The following PHF2 variants were observed in gnomAD, a reference collection of about 807,000 sequenced individuals.
The protein encoded by PHF2 is PHD finger protein 2, also known as lysine-specific demethylase PHF2.
PHF2 carries 27 observed loss-of-function variants against 120.5 expected under a neutral mutation model. That is an observed-to-expected ratio of 0.22 (90% confidence interval 0.17 to 0.31). The LOEUF (loss-of-function observed/expected upper bound fraction) is 0.31, where lower values mean the gene tolerates loss of function less well. Ranked by LOEUF, PHF2 falls within the 10% of genes least tolerant of loss-of-function variation. The pLI, the probability that PHF2 is intolerant of heterozygous loss-of-function variation, is 1.00. For missense variants in PHF2, 1,024 were observed against 1,434.8 expected (o/e 0.71, Z 4.63); for synonymous variants, 568 against 592.5 (o/e 0.96, Z 0.60).
At chr9:93,673,907 G>A (rs752140557) in intron 18 of PHF2, 45 bp downstream of exon 18, 3 of 1,514,822 alleles carry the variant, frequency 2.0e-6, no homozygotes, top group Admixed American at 2.0e-5. Context: ...CTCAGCCCTA[G>A]AAGGCCTGGC....
chr9:93,670,759 A>G (rs888626334), intron 17 of PHF2, among the ~76,000 whole-genome samples: 1 of 152,194 alleles, frequency 6.6e-6, no homozygotes, highest in African/African-American at 2.4e-5. Context: ...TGGGTGTCTC[A>G]GAAGATTCTT....
intron 10 of PHF2, 27 bp from the exon 11 acceptor site, chr9:93,659,484 C>G: frequency 6.2e-7 from 1 of 1,602,314 alleles, no homozygotes; most frequent in Non-Finnish European, 8.6e-7. Context: ...GTGTCTGGTG[C>G]TGACCCTGGG....
chr9:93,631,225 C>A (rs1406980900), intron 2 of PHF2, among the ~76,000 whole-genome samples: 1 of 152,180 alleles, frequency 6.6e-6, no homozygotes, highest in Non-Finnish European at 1.5e-5. Context: ...ACTCTGAGGA[C>A]CTGGCTGCTC....
rs1587720892 is a variant in PHF2 at position 93,671,124 on chromosome 9, G to A, written c.2349-2461G>A. The A allele has an allele frequency of 8.2e-6, 8 of 978,720 alleles. No homozygotes were observed. In the South Asian group the frequency reaches 2.4e-4, roughly 29 times the overall value. 60.6% of individuals were successfully genotyped at this position (978,720 alleles called of 1,614,324 possible). ...GACGCAGGTGGGGGTGCATGTGTGGGGGTAGGTGTAGGTGCAGATGCAGGT... is the reference window on the plus strand; with the variant it reads ...GACGCAGGTGGGGGTGCATGTGTGGAGGTAGGTGTAGGTGCAGATGCAGGT... On this transcript the variant is annotated intron_variant, in intron 17 of 21. Transcript: ENST00000359246.
In PHF2 at chr9:93,590,503, A is replaced by G. The variant is rs114898484; in HGVS notation, c.98+13632A>G. Among the ~76,000 whole-genome samples, 623 of 152,324 alleles carry G rather than the reference A, an allele frequency of 4.1e-3. 3 individuals are homozygous for G. The highest frequency in any genetic ancestry group is 0.014 in the African/African-American group (582 of 41,566). ...CTCAGTCCACAGAGGTGGAAAGCTC[A>G]TCTGTTTCCTAAATACCCCTCTTTG... is the stretch of plus-strand genomic sequence containing the variant. On this transcript the variant is annotated intron_variant, in intron 1 of 21. Coordinates refer to ENST00000359246, the MANE Select transcript of PHF2 (RefSeq NM_005392.4).
intron 4 of PHF2, among the ~76,000 whole-genome samples, chr9:93,646,396 A>G (rs906915452): frequency 1.3e-5 from 2 of 152,248 alleles, no homozygotes; most frequent in African/African-American, 2.4e-5. Flanking sequence ...TGACCCTGAC[A>G]GGCCAGTGGC....
chr9:93,635,971 G>C (rs896345021), intron 2 of PHF2, among the ~76,000 whole-genome samples: 8 of 152,088 alleles, frequency 5.3e-5, no homozygotes, highest in African/African-American at 1.9e-4. Context: ...ACCTGCCCCT[G>C]TCTGTGGCTG....
chr9:93,600,473 G>T (rs1036221787), intron 1 of PHF2, among the ~76,000 whole-genome samples: 3 of 152,238 alleles, frequency 2.0e-5, no homozygotes, highest in African/African-American at 7.2e-5. Flanking sequence ...ACATGGGACG[G>T]TATTGCAGTG....
At chr9:93,607,940 T>TGAGAGAGAGAGAGAGA (rs138717280) in intron 1 of PHF2, among the ~76,000 whole-genome samples, 2 of 128,310 alleles carry the variant, frequency 1.6e-5, no homozygotes, top group African/African-American at 6.2e-5. Flanking sequence ...GGGAAAGAGA[T>TGAGAGAGAGAGAGAGA]GAGAGAGAGA....
Position 93,677,446 on chromosome 9 carries a change from G to T in PHF2, c.3203-142G>T. The T allele has an allele frequency of 2.9e-6, 2 of 692,460 alleles. No homozygotes were observed. Among genetic ancestry groups the T allele is most frequent in the Non-Finnish European group, 5.2e-6 (2 of 385,630 alleles). The allele number at this position is 692,460 out of a possible 1,614,324, so 42.9% of individuals were successfully genotyped here. On this transcript the variant is annotated intron_variant, in intron 21 of 21. Transcript: ENST00000359246. This position sits in a 1 kb window ranked among gnomAD's most constrained non-coding sequence, Gnocchi z 4.4. ...CCTGAAGGGTGCTGAGCTCGGAGCT[G>T]GGGCTTCATAGGCCCATTTTACAGA...
At chr9:93,603,171 G>A (rs1262425341) in intron 1 of PHF2, among the ~76,000 whole-genome samples, 1 of 152,160 alleles carries the variant, frequency 6.6e-6, no homozygotes, top group Non-Finnish European at 1.5e-5. Flanking sequence ...GCTGGGCTCT[G>A]CCTCAGTAGG....
Position 93,636,411 on chromosome 9 carries a change from T to C in PHF2, c.185T>C (p.Leu62Ser). ...ACCTTGCTTCCGGTCTCCTCCACAG[T>C]AAAGAAGAAGCGGACCTGGCACAAA... is the stretch of plus-strand genomic sequence containing the variant. ...NCEKTHGKST[L>S]KKKRTWHKHG... is the part of the protein sequence containing the mutation. The change falls in exon 3 of 22, where the codon TTA (leucine) becomes TCA (serine). Residue 62 changes from leucine to serine, a missense_variant and splice_region_variant. Leu to Ser is a moderately radical substitution (Grantham distance 145). Around this residue, in one of 2 missense-constraint regions of PHF2, gnomAD observed 347 missense variants for 577.4 expected, o/e 0.60. Transcript: ENST00000359246. 6.2e-7 allele frequency: 1 copy of C among 1,603,084 alleles called. No individual in the cohort carries two copies. The highest frequency in any genetic ancestry group is 8.5e-7 in the Non-Finnish European group (1 of 1,174,936).
At chr9:93,653,093 A>G in intron 5 of PHF2, 86 bp from the exon 6 acceptor site, 5 of 1,267,584 alleles carry the variant, frequency 3.9e-6, no homozygotes, top group South Asian at 2.8e-5. Context: ...AGCGTGGGAC[A>G]TGCCTCACAG....
chr9:93,675,811 A>G, intron 20 of PHF2, 22 bp downstream of exon 20: 1 of 1,580,600 alleles, frequency 6.3e-7, no homozygotes, highest in Non-Finnish European at 8.6e-7. Context: ...CGAGAAGGAC[A>G]CACGGCAGCC....
intron 3 of PHF2, among the ~76,000 whole-genome samples, chr9:93,645,237 G>C (rs1342457875): frequency 6.6e-6 from 1 of 152,212 alleles, no homozygotes. Context: ...GGGGTACAAG[G>C]GAGGTGCAGT....
At chr9:93,614,693 G>A (rs1825692592) in intron 1 of PHF2, among the ~76,000 whole-genome samples, 1 of 152,204 alleles carries the variant, frequency 6.6e-6, no homozygotes, top group African/African-American at 2.4e-5. Flanking sequence ...TTCTGTCCAT[G>A]GAGTGTTGCA....
At chr9:93,671,495 G>A (rs1368532644) in intron 17 of PHF2, among the ~76,000 whole-genome samples, 1 of 130,058 alleles carries the variant, frequency 7.7e-6, no homozygotes, top group Non-Finnish European at 1.6e-5. Context: ...AGTAGGTACA[G>A]GTGTAGATGC....
chr9:93,664,315 C>T lies in PHF2; in HGVS notation c.1937+680C>T, dbSNP rs1010409203. On this transcript the variant is annotated intron_variant, in intron 14 of 21. Coordinates refer to ENST00000359246, the MANE Select transcript of PHF2 (RefSeq NM_005392.4). ...GGTGGTGTGGGCATGCTGGATGAGC[C>T]TCGGGGTGAGGCAAGGGGTGCGGAG... Among the ~76,000 whole-genome samples, 8 of 152,038 alleles carry T rather than the reference C, an allele frequency of 5.3e-5. No homozygotes were observed. The East Asian group carries it at 1.5e-3, about 29-fold the overall frequency.
In PHF2 at chr9:93,663,585, A is replaced by G. The variant is rs199708981; in HGVS notation, c.1887A>G (p.Gly629=). Residue 629 remains glycine, a synonymous_variant, in exon 14 of 22, where the codon GGA becomes GGG. Transcript: ENST00000359246. ...EQKLEKSPLA[G]NKDNKFSFSF... is the part of the protein sequence containing the mutation. ...AGCTAGAGAAGTCGCCTCTAGCTGG[A>G]AACAAAGACAATAAGTTCTCTTTTT... 4.8e-5 allele frequency: 77 copies of G among 1,613,512 alleles called. No individual in the cohort carries two copies. The highest frequency in any genetic ancestry group is 6.2e-5 in the Non-Finnish European group (73 of 1,179,686).
Sources: gnomAD v4.1 joint callset for allele counts (sites outside exome capture counted in the v4.1 genomes callset) on GRCh38, gnomAD v4.1.1 for gene constraint, gnomAD v4.1.1 regional missense constraint, Gnocchi (gnomAD v3.1) non-coding constraint, MANE v1.5 for transcripts, NCBI Gene and HGNC (gene_info 2026-07-23, HGNC 2026-07-21) for gene names.